The following NPIPA5 variants were observed in gnomAD, a reference collection of about 807,000 sequenced individuals.
NPIPA5 encodes the protein nuclear pore complex-interacting protein family member A5.
NPIPA5 carries 6 observed loss-of-function variants against 21.4 expected under a neutral mutation model. The observed-to-expected ratio is 0.28, with a 90% confidence interval of 0.15 to 0.55. The LOEUF (loss-of-function observed/expected upper bound fraction) is 0.55, where lower values mean the gene tolerates loss of function less well. Among genes scored for constraint, NPIPA5 ranks in the 20% least tolerant of loss-of-function variants. The pLI is 0.93. For missense variants in NPIPA5, 99 were observed against 318.2 expected (o/e 0.31, Z 5.24); for synonymous variants, 33 against 115.3 (o/e 0.29, Z 4.57).
At chr16:15,369,544 G>A (rs2093375399) in intron 4 of NPIPA5, among the ~76,000 whole-genome samples, 168 bp downstream of exon 4, 1 of 151,768 alleles carries the variant, frequency 6.6e-6, no homozygotes, top group Non-Finnish European at 1.5e-5. Context: ...TGTAGGAAGG[G>A]AAAGGAATTA....
Position 15,367,061 on chromosome 16 carries a change from C to T in NPIPA5, c.438-301G>A, listed in dbSNP as rs969719285. Among the ~76,000 whole-genome samples, 64 of 152,158 alleles carry T rather than the reference C, an allele frequency of 4.2e-4. 1 individual carries two copies. The highest frequency in any genetic ancestry group is 3.2e-3 in the Admixed American group (49 of 15,274). Reference sequence around the variant, plus strand: ...AAGCTTCTATGAGGTGCACTATGTGCGTCTCTGGGGTCAGTCTTGTGCTTG... The same window carrying T: ...AAGCTTCTATGAGGTGCACTATGTGTGTCTCTGGGGTCAGTCTTGTGCTTG... On this transcript the variant is annotated intron_variant, in intron 4 of 7. Transcript: ENST00000360151.
upstream of NPIPA5, among the ~76,000 whole-genome samples, chr16:15,379,919 G>C (rs2050396170): frequency 6.6e-6 from 1 of 151,922 alleles, no homozygotes; most frequent in African/African-American, 2.4e-5. Flanking sequence ...ACTCCAGCCT[G>C]GGGGACAGAG....
chr16:15,377,605 AC>A (rs1157207059), intron 1 of NPIPA5, among the ~76,000 whole-genome samples: 3 of 123,026 alleles, frequency 2.4e-5, no homozygotes, highest in Non-Finnish European at 1.7e-5. Context: ...GGGGACGGGG[AC>A]CGGGGCCGGA....
intron 1 of NPIPA5, among the ~76,000 whole-genome samples, chr16:15,376,691 C>T (rs1256467958): frequency 2.0e-5 from 3 of 152,096 alleles, no homozygotes; most frequent in African/African-American, 4.8e-5. Context: ...CTGAGGCAGG[C>T]GGATCACGAG....
At chr16:15,368,407 C>G (rs919799214) in intron 4 of NPIPA5, among the ~76,000 whole-genome samples, 6 of 152,048 alleles carry the variant, frequency 3.9e-5, no homozygotes, top group African/African-American at 1.2e-4. Context: ...TCTTCTGCAG[C>G]AAGATAACAT....
intron 1 of NPIPA5, among the ~76,000 whole-genome samples, chr16:15,376,542 T>A (rs994123868): frequency 6.7e-6 from 1 of 149,370 alleles, no homozygotes; most frequent in African/African-American, 2.5e-5. Flanking sequence ...AATAAATAAA[T>A]AAATAAAATA....
upstream of NPIPA5, chr16:15,381,107 A>T: frequency 6.5e-7 from 1 of 1,537,986 alleles, no homozygotes; most frequent in South Asian, 1.2e-5. Flanking sequence ...TTTTAAAAAA[A>T]AAAGTGTTGA....
intron 7 of NPIPA5, 39 bp downstream of exon 7, chr16:15,365,389 GC>G: frequency 4.9e-6 from 4 of 817,830 alleles, no homozygotes; most frequent in Non-Finnish European, 7.4e-6. Context: ...TCCTGACCTG[GC>G]AGACTATGTC....
At chr16:15,367,432 A>G (rs867262811) in intron 4 of NPIPA5, among the ~76,000 whole-genome samples, 3 of 152,214 alleles carry the variant, frequency 2.0e-5, no homozygotes, top group Middle Eastern at 3.4e-3. Flanking sequence ...TATGTCCTGA[A>G]AATAGGTGAC....
upstream of NPIPA5, chr16:15,381,449 G>A (rs2050432313): frequency 2.1e-6 from 2 of 961,630 alleles, no homozygotes; most frequent in South Asian, 4.8e-5. Context: ...AAAATGTTAA[G>A]TCTAAAAAGC....
At chr16:15,367,418 G>A (rs946810007) in intron 4 of NPIPA5, among the ~76,000 whole-genome samples, 4 of 152,076 alleles carry the variant, frequency 2.6e-5, no homozygotes, top group East Asian at 3.9e-4. Flanking sequence ...CTAAGTCAGG[G>A]TGTTATGTCC....
At chr16:15,380,050 G>A (rs1346275084), upstream of NPIPA5, among the ~76,000 whole-genome samples, 4 of 151,414 alleles carry the variant, frequency 2.6e-5, no homozygotes, top group Non-Finnish European at 5.9e-5. Context: ...TCATTTTTGA[G>A]ATTATCATTT....
intron 1 of NPIPA5, among the ~76,000 whole-genome samples, chr16:15,377,586 C>G (rs1293013403): frequency 1.8e-4 from 24 of 131,214 alleles, no homozygotes; most frequent in African/African-American, 3.3e-4. Flanking sequence ...TAGGGCAGGG[C>G]GGAGGGAAGG....
At chr16:15,375,789 A>C (rs1174750534) in intron 1 of NPIPA5, among the ~76,000 whole-genome samples, 1 of 151,064 alleles carries the variant, frequency 6.6e-6, no homozygotes, top group African/African-American at 2.4e-5. Flanking sequence ...TGAAAATGGC[A>C]TGAATAGTGT....
chr16:15,366,890 T>C, intron 4 of NPIPA5, 130 bp from the exon 5 acceptor site: 1 of 1,512,746 alleles, frequency 6.6e-7, no homozygotes, highest in Non-Finnish European at 8.8e-7. Flanking sequence ...CAACTGATTC[T>C]CACAACCGAA....
chr16:15,370,829 T>A (rs1320213294), intron 2 of NPIPA5, among the ~76,000 whole-genome samples: 1 of 146,934 alleles, frequency 6.8e-6, no homozygotes, highest in Admixed American at 7.1e-5. Context: ...GGCGGGTGAA[T>A]CACGGTCCAG....
intron 4 of NPIPA5, among the ~76,000 whole-genome samples, chr16:15,369,450 GAA>G (rs879091675): frequency 2.3e-5 from 3 of 132,892 alleles, no homozygotes; most frequent in Non-Finnish European, 1.6e-5. Context: ...TCCGTCTCAG[GAA>G]AAAAAAAAAA....
Position 15,363,823 on chromosome 16 carries a change from C to A in NPIPA5, c.889G>T (p.Ala297Ser), listed in dbSNP as rs2049919997. Residue 297 changes from alanine (A) to serine (S), a missense_variant, in exon 8 of 8, where the codon GCT (alanine) becomes TCT (serine). Ala to Ser is a moderately conservative substitution (Grantham distance 99, BLOSUM62 1). Transcript: ENST00000360151. ...ECLLTPLPPS[A>S]LPSADDNLKT... ...AGATTATCATCCGCTGAGGGTAGAG[C>A]TGAGGGTGGAAGGGGAGTGAGCAGA... 6.4e-6 allele frequency: 10 copies of A among 1,554,298 alleles called. No individual in the cohort carries two copies. Among genetic ancestry groups the A allele is most frequent in the Non-Finnish European group, 8.7e-6 (10 of 1,153,490 alleles).
upstream of NPIPA5, among the ~76,000 whole-genome samples, chr16:15,379,269 CA>C (rs1414738928): frequency 3.9e-5 from 6 of 152,324 alleles, no homozygotes; most frequent in Admixed American, 3.9e-4. Flanking sequence ...AAGAAGCAAG[CA>C]AAACAAAAGA....
Sources: gnomAD v4.1 joint callset for allele counts (sites outside exome capture counted in the v4.1 genomes callset) on GRCh38, gnomAD v4.1.1 for gene constraint, MANE v1.5 for transcripts, NCBI Gene and HGNC (gene_info 2026-07-23, HGNC 2026-07-21) for gene names.